AGBL4: variants seen among roughly 807,000 people sequenced by gnomAD.
The protein encoded by AGBL4 is cytosolic carboxypeptidase 6.
AGBL4 carries 58 observed loss-of-function variants against 66.4 expected under a neutral mutation model. The ratio of observed to expected loss-of-function variants is 0.87; its 90% confidence interval spans 0.71 to 1.09. The LOEUF (loss-of-function observed/expected upper bound fraction) is 1.09. Ranked by LOEUF, AGBL4 falls within the 50% of genes least tolerant of loss-of-function variation. The pLI, the probability that AGBL4 is intolerant of heterozygous loss-of-function variation, is 0.00. For synonymous variants in AGBL4, 234 were observed against 222.9 expected (o/e 1.05, Z -0.44); for missense variants, 579 against 631.0 (o/e 0.92, Z 0.88).
At chr1:48,590,474 T>C (rs1257206574) in intron 10 of AGBL4, among the ~76,000 whole-genome samples, 2 of 151,450 alleles carry the variant, frequency 1.3e-5, no homozygotes, top group East Asian at 1.9e-4. Flanking sequence ...GAGGATTACT[T>C]GATCTTGGGA....
chr1:48,993,945 AGG>A (rs771874563), intron 5 of AGBL4, among the ~76,000 whole-genome samples: 1 of 152,226 alleles, frequency 6.6e-6, no homozygotes, highest in Non-Finnish European at 1.5e-5. Flanking sequence ...AGTAAAAACC[AGG>A]TACTGTGATT....
At chr1:49,273,734 T>C (rs1003662141) in intron 3 of AGBL4, among the ~76,000 whole-genome samples, 5 of 152,126 alleles carry the variant, frequency 3.3e-5, no homozygotes, top group Non-Finnish European at 2.9e-5. Context: ...TGGAGTGCAG[T>C]GGTACAATCT....
intron 8 of AGBL4, among the ~76,000 whole-genome samples, chr1:48,637,148 T>C (rs1645679800): frequency 6.6e-6 from 1 of 152,226 alleles, no homozygotes; most frequent in African/African-American, 2.4e-5. Context: ...TGGTACATAA[T>C]GGTAACTCAA....
At chr1:49,743,820 C>T (rs1027977737) in intron 2 of AGBL4, among the ~76,000 whole-genome samples, 37 of 148,288 alleles carry the variant, frequency 2.5e-4, no homozygotes, top group Non-Finnish European at 4.0e-4. Flanking sequence ...AACCAAACAC[C>T]GCATGTTCTC....
chr1:49,861,196 C>T (rs542801452), intron 1 of AGBL4, among the ~76,000 whole-genome samples: 1 of 152,186 alleles, frequency 6.6e-6, no homozygotes, highest in South Asian at 2.1e-4. Flanking sequence ...CAAAGGCAGT[C>T]TAGGCCATAA....
chr1:49,223,304 G>T (rs1314191172), intron 4 of AGBL4, among the ~76,000 whole-genome samples: 3 of 152,106 alleles, frequency 2.0e-5, no homozygotes, highest in Non-Finnish European at 4.4e-5. Context: ...AGCAGGACTT[G>T]GTGGTATAAT....
At chr1:49,093,553 A>C (rs1270083025) in intron 4 of AGBL4, among the ~76,000 whole-genome samples, 1 of 152,206 alleles carries the variant, frequency 6.6e-6, no homozygotes, top group Non-Finnish European at 1.5e-5. Context: ...AAGCAGTACT[A>C]TAAATAAAAG....
At chr1:49,131,856 G>A (rs1477361185) in intron 4 of AGBL4, among the ~76,000 whole-genome samples, 4 of 152,004 alleles carry the variant, frequency 2.6e-5, no homozygotes, top group South Asian at 2.1e-4. Context: ...TCAGATTATG[G>A]GGGATGATAA....
chr1:49,743,448 G>C (rs901197391), intron 2 of AGBL4, among the ~76,000 whole-genome samples: 9 of 152,152 alleles, frequency 5.9e-5, no homozygotes, highest in South Asian at 2.1e-4. Context: ...CTTTTACACT[G>C]TTGGTGGGAC....
chr1:48,977,570 C>A (rs559077511), intron 5 of AGBL4, among the ~76,000 whole-genome samples: 1 of 152,112 alleles, frequency 6.6e-6, no homozygotes, highest in Non-Finnish European at 1.5e-5. Context: ...TTTCATTTCT[C>A]ATACCCACAA....
chr1:49,129,267 T>A (rs1339051740), intron 4 of AGBL4, among the ~76,000 whole-genome samples: 1 of 150,902 alleles, frequency 6.6e-6, no homozygotes, highest in Non-Finnish European at 1.5e-5. Context: ...ATGTAAAGAA[T>A]GTACTAATGA....
At chr1:49,982,942 G>A (rs1182374450) in intron 1 of AGBL4, among the ~76,000 whole-genome samples, 1 of 152,122 alleles carries the variant, frequency 6.6e-6, no homozygotes, top group Non-Finnish European at 1.5e-5. Flanking sequence ...CCTCTCTCAT[G>A]AGAGCTGAGC....
chr1:49,422,056 A>G (rs537937114), intron 3 of AGBL4, among the ~76,000 whole-genome samples: 1 of 152,310 alleles, frequency 6.6e-6, no homozygotes, highest in Non-Finnish European at 1.5e-5. Context: ...AGAGATTCTT[A>G]TGTAGATAGA....
In AGBL4 at chr1:49,356,137, C is replaced by A. The variant is rs572172273; in HGVS notation, c.283-110273G>T. 2.0e-5 allele frequency among the ~76,000 whole-genome samples: 3 copies of A among 152,224 alleles called. No individual in the cohort carries two copies. The East Asian group carries it at 5.8e-4, about 29-fold the overall frequency. The stretch of plus-strand genomic sequence containing the variant: ...ACATTGTGAGTCAACTATGAAGATC[C>A]TTCCAAAGTACTCCCCCAAAATTAG... On this transcript the variant is annotated intron_variant, in intron 3 of 13. Coordinates refer to ENST00000371839, the MANE Select transcript of AGBL4 (RefSeq NM_032785.4).
At chr1:49,536,459 A>T (rs1163181760) in intron 3 of AGBL4, among the ~76,000 whole-genome samples, 3 of 152,198 alleles carry the variant, frequency 2.0e-5, no homozygotes, top group African/African-American at 7.2e-5. Context: ...GAATAAAAAA[A>T]TTAGTAACAT....
chr1:49,062,173 G>A (rs1025332742), intron 4 of AGBL4, among the ~76,000 whole-genome samples: 4 of 152,090 alleles, frequency 2.6e-5, no homozygotes, highest in East Asian at 1.9e-4. Context: ...AACCCCCGTC[G>A]ATGGAAAAAC....
intron 3 of AGBL4, among the ~76,000 whole-genome samples, chr1:49,604,283 G>C (rs541273899): frequency 1.3e-5 from 2 of 152,260 alleles, no homozygotes; most frequent in South Asian, 2.1e-4. Flanking sequence ...CCAGGGTAAC[G>C]TGGTACCTCG....
At chr1:49,331,472 A>T (rs1645332877) in intron 3 of AGBL4, among the ~76,000 whole-genome samples, 1 of 152,050 alleles carries the variant, frequency 6.6e-6, no homozygotes, top group Admixed American at 6.5e-5. Flanking sequence ...GACTTTGGAG[A>T]GTCCAAATAG....
chr1:49,423,887 C>G (rs539537628), intron 3 of AGBL4, among the ~76,000 whole-genome samples: 1 of 151,478 alleles, frequency 6.6e-6, no homozygotes, highest in Non-Finnish European at 1.5e-5. Context: ...GAGACACAGC[C>G]GAGCTCCCCA....
Sources: allele counts gnomAD v4.1 joint callset (sites outside exome capture counted in the v4.1 genomes callset), GRCh38; gene constraint gnomAD v4.1.1; transcripts MANE v1.5; gene names NCBI Gene and HGNC (gene_info 2026-07-23, HGNC 2026-07-21).